ILRUN: variants seen among roughly 807,000 people sequenced by gnomAD.
ILRUN encodes the protein inflammation and lipid regulator with UBA-like and NBR1-like domains, also known as protein ILRUN.
In ILRUN, 3 loss-of-function variants were observed where a neutral mutation model predicts 33.8. That is an observed-to-expected ratio of 0.09 (90% CI 0.04 to 0.23). The LOEUF is 0.23. ILRUN is among the 10% of genes least tolerant of loss of function. The pLI, the probability that ILRUN is intolerant of heterozygous loss-of-function variation, is 1.00. For missense variants in ILRUN, 210 were observed against 375.1 expected (o/e 0.56, Z 3.64); for synonymous variants, 124 against 138.9 (o/e 0.89, Z 0.75).
At chr6:34,689,901 A>T (rs776130216) in intron 1 of ILRUN, among the ~76,000 whole-genome samples, 10 of 152,154 alleles carry the variant, frequency 6.6e-5, no homozygotes, top group Middle Eastern at 3.4e-3. Flanking sequence ...ATTCCAAAAC[A>T]TACACACTGC....
At chr6:34,657,058 A>G (rs981870128) in intron 1 of ILRUN, among the ~76,000 whole-genome samples, 11 of 152,224 alleles carry the variant, frequency 7.2e-5, no homozygotes, top group African/African-American at 2.7e-4. Flanking sequence ...AAACAGGCTT[A>G]GAAGTATATC....
At chr6:34,653,148 A>AG (rs999148825) in intron 2 of ILRUN, among the ~76,000 whole-genome samples, 3 of 145,094 alleles carry the variant, frequency 2.1e-5, no homozygotes, top group African/African-American at 7.8e-5. Context: ...AAAAAAAAAA[A>AG]AAAGAAAAAG....
intron 1 of ILRUN, among the ~76,000 whole-genome samples, chr6:34,695,302 G>A: frequency 6.6e-6 from 1 of 152,164 alleles, no homozygotes; most frequent in Non-Finnish European, 1.5e-5. Context: ...ACAGAGCAAA[G>A]GGCACTGAAC....
intron 1 of ILRUN, among the ~76,000 whole-genome samples, chr6:34,689,778 G>A (rs770572782): frequency 8.6e-5 from 13 of 150,864 alleles, no homozygotes; most frequent in Non-Finnish European, 1.6e-4. Flanking sequence ...TATCTAGTAG[G>A]GTGTTTCTGA....
intron 4 of ILRUN, among the ~76,000 whole-genome samples, chr6:34,594,378 A>T (rs1761354317): frequency 6.6e-6 from 1 of 152,240 alleles, no homozygotes; most frequent in Non-Finnish European, 1.5e-5. Flanking sequence ...TCACATAGGG[A>T]CTAGCAGCAA....
chr6:34,694,799 G>A (rs1763723284), intron 1 of ILRUN, among the ~76,000 whole-genome samples: 1 of 152,040 alleles, frequency 6.6e-6, no homozygotes, highest in Non-Finnish European at 1.5e-5. Flanking sequence ...CCTGTTCCCA[G>A]CACTTTGGGA....
chr6:34,692,130 AT>A (rs1176613093), intron 1 of ILRUN, among the ~76,000 whole-genome samples: 1 of 151,954 alleles, frequency 6.6e-6, no homozygotes, highest in South Asian at 2.1e-4. Flanking sequence ...AGCCCAGCTA[AT>A]TTTTTTATTT....
intron 4 of ILRUN, among the ~76,000 whole-genome samples, chr6:34,600,851 T>A (rs1215497726): frequency 6.6e-6 from 1 of 152,214 alleles, no homozygotes; most frequent in Admixed American, 6.5e-5. Flanking sequence ...CAAAAATGTG[T>A]ACTTGAACAC....
Position 34,605,615 on chromosome 6 carries a change from C to G in ILRUN, c.861+940G>C, listed in dbSNP as rs566382634. Among the ~76,000 whole-genome samples, 10 of 152,230 alleles carry G rather than the reference C, an allele frequency of 6.6e-5. No individual in the cohort carries two copies. The South Asian group carries it at 1.9e-3, about 28-fold the overall frequency. ...CTACACTCCAGCCTGGGTGACAGAG[C>G]AAGACTCCATCTTGGAACAAATAAA... is the stretch of plus-strand genomic sequence containing the variant. On this transcript the variant is annotated intron_variant, in intron 4 of 4. Transcript: ENST00000374023.
intron 3 of ILRUN, chr6:34,617,188 A>G: frequency 2.1e-6 from 1 of 486,172 alleles, no homozygotes; most frequent in South Asian, 1.5e-5. Context: ...AAAACTACAC[A>G]TTTTGTAGAA....
intron 3 of ILRUN, among the ~76,000 whole-genome samples, chr6:34,635,832 G>T (rs559483039): frequency 6.6e-6 from 1 of 152,152 alleles, no homozygotes; most frequent in Admixed American, 6.5e-5. Flanking sequence ...ATGTTGGACA[G>T]GCTGGTCTTG....
intron 1 of ILRUN, among the ~76,000 whole-genome samples, chr6:34,658,346 T>C (rs1762817368): frequency 1.7e-5 from 2 of 118,966 alleles, no homozygotes; most frequent in African/African-American, 8.1e-5. Flanking sequence ...AGACTCTGTC[T>C]CAAAAAAAAA....
At chr6:34,658,077 T>C (rs1427140913) in intron 1 of ILRUN, among the ~76,000 whole-genome samples, 1 of 152,168 alleles carries the variant, frequency 6.6e-6, no homozygotes, top group Non-Finnish European at 1.5e-5. Flanking sequence ...TGCTGGATGC[T>C]GTGACTCACG....
chr6:34,595,598 G>A (rs1761384825), intron 4 of ILRUN: 1 of 234,232 alleles, frequency 4.3e-6, no homozygotes, highest in Non-Finnish European at 7.0e-6. Context: ...GGAAAAAAAA[G>A]AAGGCTGAAA....
At chr6:34,599,732 C>G (rs1761469942) in intron 4 of ILRUN, among the ~76,000 whole-genome samples, 1 of 152,148 alleles carries the variant, frequency 6.6e-6, no homozygotes, top group African/African-American at 2.4e-5. Flanking sequence ...CACTCTATAT[C>G]CAACTTGGAT....
chr6:34,601,790 G>A (rs1161651996), intron 4 of ILRUN, among the ~76,000 whole-genome samples: 1 of 151,670 alleles, frequency 6.6e-6, no homozygotes, highest in African/African-American at 2.4e-5. Flanking sequence ...ATAGCAGCAG[G>A]TGAGAAAAAG....
At chr6:34,678,836 CAAAAAAAA>C (rs767799882) in intron 1 of ILRUN, among the ~76,000 whole-genome samples, 37 of 47,880 alleles carry the variant, frequency 7.7e-4, no homozygotes, top group Middle Eastern at 0.01. Context: ...GACTCCGTCT[CAAAAAAAA>C]AAAAAAAAAA....
intron 1 of ILRUN, among the ~76,000 whole-genome samples, chr6:34,686,140 C>A (rs548692209): frequency 2.8e-4 from 42 of 152,174 alleles, no homozygotes; most frequent in African/African-American, 9.9e-4. Context: ...GAAAAGACAG[C>A]CTACAGAATG....
rs1408490064 is a variant in ILRUN at position 34,630,667 on chromosome 6, C to T, written c.511+15934G>A. 5.9e-5 allele frequency among the ~76,000 whole-genome samples: 9 copies of T among 152,182 alleles called. 1 individual carries two copies. Among genetic ancestry groups the T allele is most frequent in the Admixed American group, 5.2e-4 (8 of 15,266 alleles). ...AAAGTGCTGGGATTATGGCGTGAGC[C>T]ACACCGCCTGGCCCTGGGTTTGTTT... On this transcript the variant is annotated intron_variant, in intron 3 of 4. Transcript: ENST00000374023.
Sources: allele counts gnomAD v4.1 joint callset (sites outside exome capture counted in the v4.1 genomes callset), GRCh38; gene constraint gnomAD v4.1.1; transcripts MANE v1.5; gene names NCBI Gene and HGNC (gene_info 2026-07-23, HGNC 2026-07-21).